Variants in CFAP47 observed in about 807,000 individuals in gnomAD.
CFAP47 encodes cilia and flagella associated protein 47, also known as cilia- and flagella-associated protein 47.
In CFAP47, 29 loss-of-function variants were observed where a neutral mutation model predicts 148.1. The ratio of observed to expected loss-of-function variants is 0.20; its 90% CI spans 0.15 to 0.27. The LOEUF is 0.27. CFAP47 is among the 10% of genes least tolerant of loss of function. CFAP47 has a pLI of 1.00. For missense variants in CFAP47, 1,872 were observed against 1,697.5 expected (o/e 1.10, Z -1.81); for synonymous variants, 664 against 577.3 (o/e 1.15, Z -2.15).
At chrX:36,332,003 G>A (rs1941568720) in intron 57 of CFAP47, among the ~76,000 whole-genome samples, 1 of 111,797 alleles carries the variant, frequency 8.9e-6, no homozygotes, top group Admixed American at 9.5e-5. Context: ...GGGCTATCTG[G>A]TACACTTTAA....
chrX:36,057,480 T>A (rs772147588), intron 26 of CFAP47, among the ~76,000 whole-genome samples: 2 of 111,951 alleles, frequency 1.8e-5, no homozygotes, highest in Non-Finnish European at 3.8e-5. Flanking sequence ...TATATACATG[T>A]CAATTTTGTG....
At chrX:35,923,924 T>G (rs897996638) in intron 1 of CFAP47, among the ~76,000 whole-genome samples, 1 of 67,557 alleles carries the variant, frequency 1.5e-5, no homozygotes, top group Non-Finnish European at 2.6e-5. Flanking sequence ...TATATGTACA[T>G]ATATATGTGT....
intron 37 of CFAP47, 84 bp from the exon 38 acceptor site, chrX:36,159,342 T>C: frequency 1.0e-5 from 3 of 293,009 alleles, no homozygotes; most frequent in East Asian, 9.6e-5. Flanking sequence ...GATGTAGGCA[T>C]TAGACACATG....
intron 45 of CFAP47, among the ~76,000 whole-genome samples, chrX:36,210,632 G>A (rs1189535654): frequency 8.9e-6 from 1 of 112,060 alleles, no homozygotes; most frequent in African/African-American, 3.2e-5. Flanking sequence ...TGATTTGCAA[G>A]TATTTTCTCC....
At chrX:36,119,748 C>G (rs1266893007) in intron 33 of CFAP47, among the ~76,000 whole-genome samples, 2 of 111,269 alleles carry the variant, frequency 1.8e-5, no homozygotes, top group African/African-American at 3.3e-5. Flanking sequence ...TGTTATTGGT[C>G]TATTTAAGTT....
chrX:36,085,273 C>A, intron 29 of CFAP47, 41 bp from the exon 30 acceptor site: 2 of 869,384 alleles, frequency 2.3e-6, no homozygotes, highest in Admixed American at 2.4e-5. Context: ...CATACTATAA[C>A]ATTTTGAGAC....
intron 57 of CFAP47, among the ~76,000 whole-genome samples, chrX:36,344,853 C>T (rs782182607): frequency 6.1e-4 from 68 of 111,333 alleles, no homozygotes; most frequent in African/African-American, 2.1e-3. Context: ...CTATAGTTTC[C>T]CTGAAATTAA....
In CFAP47 at chrX:35,951,276, A is replaced by G. The variant is rs779321146; in HGVS notation, c.802A>G (p.Lys268Glu). The G allele has an allele frequency of 1.8e-5, 22 of 1,208,733 alleles. No individual in the cohort carries two copies. The South Asian group carries it at 2.5e-4, about 14-fold the overall frequency. ...GPVFFGSSKI[K>E]HARVYNNSPE... Reference sequence around the variant, plus strand: ...TGTTTTCTTCGGATCATCAAAAATTAAACATGCACGTGTATACAATAATAG... The same window carrying G: ...TGTTTTCTTCGGATCATCAAAAATTGAACATGCACGTGTATACAATAATAG... Residue 268 changes from lysine (K) to glutamate (E), a missense_variant, in exon 5 of 64, where the codon AAA (lysine) becomes GAA (glutamate). Lys to Glu is a moderately conservative substitution (Grantham distance 56). Transcript: ENST00000378653.
chrX:36,047,131 A>G (rs1569241725), intron 26 of CFAP47, 68 bp downstream of exon 26: 4 of 713,043 alleles, frequency 5.6e-6, no homozygotes, highest in Non-Finnish European at 8.3e-6. Context: ...ATTTTACACC[A>G]TGGTAAAATG....
rs1395270694 is a variant in CFAP47, at chrX:36,367,122, G to A, written c.9180G>A (p.Gln3060=). ...TTTTTGAACTTAGGCTGAAAAGTCA[G>A]ACAAGGTAATATATTAAACAAAAGT... is the stretch of plus-strand genomic sequence containing the variant. ...ESVFELRLKS[Q]TRNPEPFTAH... Residue 3060 remains glutamine (Q), a synonymous_variant, in exon 62 of 64, where the codon CAG becomes CAA. Transcript: ENST00000378653. 8.8e-7 allele frequency: 1 copy of A among 1,140,893 alleles called. No individual in the cohort carries two copies. The highest frequency in any genetic ancestry group is 1.2e-6 in the Non-Finnish European group (1 of 855,969). The allele number at this position is 1,140,893 out of a possible 1,213,427, so 94.0% of individuals were successfully genotyped here.
intron 57 of CFAP47, among the ~76,000 whole-genome samples, chrX:36,327,355 G>T (rs1941525974): frequency 9.0e-6 from 1 of 111,725 alleles, no homozygotes; most frequent in African/African-American, 3.3e-5. Context: ...GCCAACAAAC[G>T]TATGAAAAAA....
At chrX:36,174,724 G>A (rs1389119349) in intron 39 of CFAP47, among the ~76,000 whole-genome samples, 1 of 110,982 alleles carries the variant, frequency 9.0e-6, no homozygotes, top group African/African-American at 3.3e-5. Context: ...CTCTCTGGCT[G>A]CCCTTAACAT....
intron 29 of CFAP47, 34 bp from the exon 30 acceptor site, chrX:36,085,280 A>G: frequency 1.1e-6 from 1 of 911,146 alleles, no homozygotes; most frequent in Non-Finnish European, 1.6e-6. Context: ...TAACATTTTG[A>G]GACTGTTTTT....
chrX:36,146,752 TACAAA>T (rs1186281444), intron 36 of CFAP47, among the ~76,000 whole-genome samples: 1 of 109,338 alleles, frequency 9.1e-6, no homozygotes, highest in Admixed American at 9.7e-5. Flanking sequence ...CAGAAATGGC[TACAAA>T]ATTGAGAAAG....
rs188788455 is a variant in CFAP47 at position 35,957,844 on chromosome X, A to G, written c.1410+1648A>G. 2.9e-4 allele frequency among the ~76,000 whole-genome samples: 33 copies of G among 112,432 alleles called. 1 individual carries two copies. Among genetic ancestry groups the G allele is most frequent in the Admixed American group, 1.4e-3 (15 of 10,569 alleles). ...CAGACTGGTCAAATGGCCTTTGACT[A>G]TTTAGAAGTGTGATAAGATTATTCT... is the stretch of plus-strand genomic sequence containing the variant. On this transcript the variant is annotated intron_variant, in intron 8 of 63. Coordinates refer to ENST00000378653, the MANE Select transcript of CFAP47 (RefSeq NM_001304548.2).
chrX:36,361,112 T>G (rs1200488877), intron 60 of CFAP47, among the ~76,000 whole-genome samples: 2 of 111,547 alleles, frequency 1.8e-5, no homozygotes, highest in East Asian at 5.6e-4. Context: ...ATGTTTATTT[T>G]TATATGCATT....
At position 36,179,382 on chromosome X, in the gene CFAP47, C is replaced by T. The variant is rs1051877717; in HGVS notation, c.6064C>T (p.Pro2022Ser). 6.7e-6 allele frequency: 2 copies of T among 297,059 alleles called. No individual in the cohort carries two copies. The highest frequency in any genetic ancestry group is 5.4e-5 in the African/African-American group (2 of 37,022). The allele number at this position is 297,059 out of a possible 1,213,427, so 24.5% of individuals were successfully genotyped here. A position where few individuals can be genotyped will look rare whatever the true frequency, so the allele number is the denominator to read the frequency against. Reference sequence around the variant, plus strand: ...GGAATCCTCAACATTTGTCTCTTCGCCAACGAAGTTAACTGAATCCAGGCA... The same window carrying T: ...GGAATCCTCAACATTTGTCTCTTCGTCAACGAAGTTAACTGAATCCAGGCA... ...LVESSTFVSS[P>S]TKLTESRQYP... Residue 2022 changes from proline to serine, a missense_variant, in exon 40 of 64, where the codon CCA becomes TCA. Transcript: ENST00000378653.
At chrX:36,277,047 A>T (rs1941026231) in intron 49 of CFAP47, among the ~76,000 whole-genome samples, 1 of 111,969 alleles carries the variant, frequency 8.9e-6, no homozygotes, top group East Asian at 2.8e-4. Flanking sequence ...AGAGGACTGC[A>T]GTGAGAACCT....
intron 63 of CFAP47, among the ~76,000 whole-genome samples, chrX:36,381,083 T>C (rs930853875): frequency 8.9e-6 from 1 of 112,102 alleles, no homozygotes; most frequent in African/African-American, 3.2e-5. Context: ...GAAATCATGA[T>C]TTTCTTAATT....
Sources: allele counts gnomAD v4.1 joint callset (sites outside exome capture counted in the v4.1 genomes callset), GRCh38; gene constraint gnomAD v4.1.1; transcripts MANE v1.5; gene names NCBI Gene and HGNC (gene_info 2026-07-23, HGNC 2026-07-21).